Variants in SCN11A observed in about 807,000 individuals in gnomAD.
SCN11A encodes sodium channel protein type 11 subunit alpha.
A neutral mutation model predicts 162.2 loss-of-function variants in SCN11A; 122 were observed. That is an observed-to-expected ratio of 0.75 (90% confidence interval 0.65 to 0.87). SCN11A has a LOEUF of 0.87. SCN11A is among the 40% of genes least tolerant of loss of function. SCN11A has a pLI of 0.00. For synonymous variants in SCN11A, 758 were observed against 751.5 expected, an observed-to-expected ratio of 1.01 and a Z score of -0.14; for missense variants, 2,015 against 2,181.6, an observed-to-expected ratio of 0.92 and a Z score of 1.52.
At chr3:38,852,996 C>T (rs553128407) in intron 28 of SCN11A, among the ~76,000 whole-genome samples, 1 of 152,192 alleles carries the variant, frequency 6.6e-6, no homozygotes, top group Non-Finnish European at 1.5e-5. Flanking sequence ...TGTGATTTTG[C>T]ACCTACTTCC....
rs566072097 is a variant in SCN11A, at chr3:38,947,619, G to GC, written c.268-713dup. On this transcript the variant is annotated intron_variant, in intron 5 of 29. Transcript: ENST00000302328. ...AACTTGCCAATGGTACATTATGCCC[G>GC]CCCCCCCACAAAGTGCCCAGTGGAG... Among the ~76,000 whole-genome samples, 725 of 152,092 alleles carry GC rather than the reference G, an allele frequency of 4.8e-3. 2 individuals carry two copies. Among genetic ancestry groups the GC allele is most frequent in the Middle Eastern group, 6.8e-3 (2 of 292 alleles).
intron 7 of SCN11A, among the ~76,000 whole-genome samples, chr3:38,932,526 C>T (rs1414179813): frequency 5.3e-5 from 8 of 152,214 alleles, no homozygotes; most frequent in African/African-American, 1.2e-4. Flanking sequence ...CCCAATACTG[C>T]GCTTTTCCGA....
At chr3:38,876,806 A>T (rs2065214645) in intron 23 of SCN11A, among the ~76,000 whole-genome samples, 1 of 152,026 alleles carries the variant, frequency 6.6e-6, no homozygotes. Flanking sequence ...TTCCTTAAAG[A>T]ACTAAAAGTA....
chr3:39,046,787 C>T (rs2032192214), intron 1 of SCN11A, among the ~76,000 whole-genome samples: 1 of 152,200 alleles, frequency 6.6e-6, no homozygotes. Context: ...ATGATGTGAT[C>T]TCTGCTCACT....
intron 27 of SCN11A, among the ~76,000 whole-genome samples, chr3:38,866,677 G>A (rs1210250242): frequency 6.6e-6 from 1 of 152,182 alleles, no homozygotes; most frequent in Non-Finnish European, 1.5e-5. Flanking sequence ...TAAGAGGCAT[G>A]GTCTAAAGTG....
chr3:38,981,537 T>TTGTGTG (rs10578149), intron 2 of SCN11A, among the ~76,000 whole-genome samples: 5,177 of 145,944 alleles, frequency 0.035, 317 homozygotes, highest in African/African-American at 0.12. Flanking sequence ...GTGTGTGTGT[T>TTGTGTG]TGTGTGTGTG....
chr3:38,896,341 A>G (rs2065597386), intron 18 of SCN11A, among the ~76,000 whole-genome samples: 2 of 152,216 alleles, frequency 1.3e-5, no homozygotes, highest in Non-Finnish European at 2.9e-5. Context: ...AGGATTGCAC[A>G]GCAGTCCTGG....
At chr3:38,864,809 A>G (rs1485558873) in intron 27 of SCN11A, among the ~76,000 whole-genome samples, 2 of 152,200 alleles carry the variant, frequency 1.3e-5, no homozygotes, top group East Asian at 3.8e-4. Context: ...AAAGTTGTCA[A>G]ATGGAAAGAC....
chr3:38,904,029 A>C lies in SCN11A; in HGVS notation c.1678T>G (p.Cys560Gly), dbSNP rs139057163. The change falls in exon 16 of 30, where the codon TGC (cysteine) becomes GGC (glycine). Residue 560 changes from cysteine (C) to glycine (G), a missense_variant. By Grantham distance (159) the Cys-to-Gly change is radical. Coordinates refer to ENST00000302328, the MANE Select transcript of SCN11A (RefSeq NM_001349253.2). ...LASKYLVWNCCPQWLCVKKVL... is the reference protein window; with the variant it reads ...LASKYLVWNCGPQWLCVKKVL... ...TTCTTAACGCACAGCCACTGGGGGC[A>C]ACAGTTCCACACGAGGTACTTGGAT... The C allele has an allele frequency of 1.2e-6, 2 of 1,610,974 alleles. No homozygotes were observed. Among genetic ancestry groups the C allele is most frequent in the Non-Finnish European group, 1.7e-6 (2 of 1,179,336 alleles).
chr3:38,903,878 T>C lies in SCN11A; in HGVS notation c.1829A>G (p.Asn610Ser). The C allele has an allele frequency of 6.2e-7, 1 of 1,601,326 alleles. No individual in the cohort carries two copies. Among genetic ancestry groups the C allele is most frequent in the African/African-American group, 1.3e-5 (1 of 74,388 alleles). ...KMEASFEKML[N>S]IGNLVFTSIF... Reference sequence around the variant, plus strand: ...GTGTAATGTTACCAAATTCCCTATATTCAACATCTTCTCAAAACTGGCCTC... The same window carrying C: ...GTGTAATGTTACCAAATTCCCTATACTCAACATCTTCTCAAAACTGGCCTC... Residue 610 changes from asparagine to serine, a missense_variant, in exon 16 of 30, where the codon AAT becomes AGT. Physicochemically the swap from Asn to Ser is conservative, Grantham distance 46. Transcript: ENST00000302328.
intron 7 of SCN11A, among the ~76,000 whole-genome samples, chr3:38,937,172 T>G (rs1029238423): frequency 1.1e-4 from 16 of 151,754 alleles, no homozygotes; most frequent in African/African-American, 2.7e-4. Context: ...TAGCCATATG[T>G]AGAAAGCTGA....
rs748710219 is a variant in SCN11A at position 38,872,188 on chromosome 3, T to C, written c.3495+5A>G. On this transcript the variant is annotated splice_donor_5th_base_variant and intron_variant, in intron 24 of 29. Transcript: ENST00000302328. ...AACTTCTACCCATTCTTCTGCAGAA[T>C]GTACCTTCATTCCTTCAAACTGGGA... 3.9e-6 allele frequency: 6 copies of C among 1,532,304 alleles called. No individual in the cohort carries two copies. Among genetic ancestry groups the C allele is most frequent in the Middle Eastern group, 1.7e-4 (1 of 5,902 alleles). The allele number at this position is 1,532,304 out of a possible 1,614,324, so 94.9% of individuals were successfully genotyped here. A position where few individuals can be genotyped will look rare whatever the true frequency, so the allele number is the denominator to read the frequency against.
At chr3:39,044,698 T>C (rs991479074) in intron 1 of SCN11A, among the ~76,000 whole-genome samples, 7 of 151,648 alleles carry the variant, frequency 4.6e-5, no homozygotes, top group African/African-American at 1.5e-4. Flanking sequence ...TTTATAACAA[T>C]AAATGCCTAC....
intron 1 of SCN11A, among the ~76,000 whole-genome samples, chr3:39,048,606 G>A (rs1416020802): frequency 6.6e-6 from 1 of 152,054 alleles, no homozygotes; most frequent in Admixed American, 6.5e-5. Flanking sequence ...CAATTATTAT[G>A]TGTCAATTAA....
At chr3:38,906,303 C>T (rs923049137) in intron 14 of SCN11A, among the ~76,000 whole-genome samples, 1 of 152,094 alleles carries the variant, frequency 6.6e-6, no homozygotes, top group Non-Finnish European at 1.5e-5. Flanking sequence ...GTCTGAACAT[C>T]CCCCTCCTTA....
intron 28 of SCN11A, among the ~76,000 whole-genome samples, chr3:38,853,479 C>A (rs550580003): frequency 6.6e-6 from 1 of 152,184 alleles, no homozygotes; most frequent in Non-Finnish European, 1.5e-5. Context: ...GGTCAAAAAT[C>A]TCTCACTATA....
intron 19 of SCN11A, among the ~76,000 whole-genome samples, chr3:38,887,513 C>G (rs1243766525): frequency 6.6e-6 from 1 of 151,068 alleles, no homozygotes; most frequent in Non-Finnish European, 1.5e-5. Flanking sequence ...GTGCAGCACA[C>G]CAACATGGCA....
chr3:38,965,823 G>C (rs976482651), intron 2 of SCN11A, among the ~76,000 whole-genome samples: 1 of 151,944 alleles, frequency 6.6e-6, no homozygotes, highest in African/African-American at 2.4e-5. Context: ...ATTTTTAAAA[G>C]GAAGCCGAGG....
intron 28 of SCN11A, among the ~76,000 whole-genome samples, chr3:38,860,713 C>A (rs1375853390): frequency 6.6e-6 from 1 of 152,052 alleles, no homozygotes; most frequent in East Asian, 1.9e-4. Context: ...AAACCCTCAG[C>A]AAAACTGGCA....
Sources: gnomAD v4.1 joint callset for allele counts (sites outside exome capture counted in the v4.1 genomes callset) on GRCh38, gnomAD v4.1.1 for gene constraint, MANE v1.5 for transcripts, NCBI Gene and HGNC (gene_info 2026-07-23, HGNC 2026-07-21) for gene names.